FNDC3B: variants seen among roughly 807,000 people sequenced by gnomAD.
FNDC3B encodes the protein fibronectin type III domain containing 3B.
FNDC3B carries 12 observed loss-of-function variants against 151.5 expected under a neutral mutation model. The ratio of observed to expected loss-of-function variants is 0.08; its 90% CI spans 0.05 to 0.13. FNDC3B has a LOEUF of 0.13. Among genes scored for constraint, FNDC3B ranks in the 10% least tolerant of loss-of-function variants. The pLI, the probability that FNDC3B is intolerant of heterozygous loss-of-function variation, is 1.00. For missense variants in FNDC3B, 1,214 were observed against 1,505.3 expected (o/e 0.81, Z 3.20); for synonymous variants, 528 against 549.0 (o/e 0.96, Z 0.54).
chr3:172,099,183 T>C lies in FNDC3B; in HGVS notation c.-28-13269T>C, dbSNP rs1318889917. ...GCAAATCAATTAGCTGTGGCATATT[T>C]TGATTTTGCTAATTTGTTGCTCTAG... On this transcript the variant is annotated intron_variant, in intron 1 of 25. Transcript: ENST00000415807. 2.6e-5 allele frequency among the ~76,000 whole-genome samples: 4 copies of C among 152,336 alleles called. No individual in the cohort carries two copies. The East Asian group carries it at 5.8e-4, about 22-fold the overall frequency.
At chr3:172,333,205 C>G (rs376132077) in intron 14 of FNDC3B, 30 bp downstream of exon 14, 8 of 1,334,452 alleles carry the variant, frequency 6.0e-6, no homozygotes, top group Non-Finnish European at 6.5e-6. Flanking sequence ...ACCTGAACTG[C>G]TTAAAAATGA....
chr3:172,352,435 C>T lies in FNDC3B; in HGVS notation c.2515-368C>T, dbSNP rs531427372. On this transcript the variant is annotated intron_variant, in intron 21 of 25. Transcript: ENST00000415807. The surrounding 1 kb of genome is among the most constrained non-coding windows in gnomAD (Gnocchi z 4.2). ...ATCTGAGGCCTAAGTTATCATCTGA[C>T]TCTGAGTTCCTGTCTCTAAAAGGCG... Among the ~76,000 whole-genome samples, 6 of 152,244 alleles carry T rather than the reference C, an allele frequency of 3.9e-5. No homozygotes were observed. The East Asian group carries it at 1.2e-3, about 29-fold the overall frequency.
intron 23 of FNDC3B, among the ~76,000 whole-genome samples, chr3:172,372,469 A>T (rs1459095080): frequency 6.6e-6 from 1 of 152,232 alleles, no homozygotes; most frequent in African/African-American, 2.4e-5. Context: ...ACCGCTATAT[A>T]TACATTATTC....
chr3:172,388,109 G>C (rs1720228), intron 25 of FNDC3B, among the ~76,000 whole-genome samples: 103,654 of 152,032 alleles, frequency 0.68, 37,492 homozygotes, highest in Non-Finnish European at 0.83. Flanking sequence ...TGAGAAGGAG[G>C]TGTACAGATG....
rs796205804 is a variant in FNDC3B, at chr3:172,104,890, T to C, written c.-28-7562T>C. 2.9e-4 allele frequency among the ~76,000 whole-genome samples: 44 copies of C among 152,364 alleles called. 1 individual carries two copies. The highest frequency in any genetic ancestry group is 9.6e-4 in the African/African-American group (40 of 41,588). ...TCCATGGTTATTATCAAAAGCAGTT[T>C]CTGGTTTTGCTGAAAGGCTAGAAAT... On this transcript the variant is annotated intron_variant, in intron 1 of 25. Coordinates refer to ENST00000415807, the MANE Select transcript of FNDC3B (RefSeq NM_022763.4).
intron 3 of FNDC3B, among the ~76,000 whole-genome samples, chr3:172,175,169 A>T (rs1189000758): frequency 6.6e-6 from 1 of 151,846 alleles, no homozygotes; most frequent in Non-Finnish European, 1.5e-5. Context: ...CAGTCATCTC[A>T]GAGTGGTAAT....
chr3:172,200,243 A>G (rs1230883809), intron 3 of FNDC3B, among the ~76,000 whole-genome samples: 1 of 152,232 alleles, frequency 6.6e-6, no homozygotes, highest in African/African-American at 2.4e-5. Flanking sequence ...TGGAGTACCT[A>G]GAGAAAACCC....
intron 19 of FNDC3B, chr3:172,345,902 A>C (rs555062): frequency 6.6e-6 from 1 of 152,314 alleles, no homozygotes; most frequent in Non-Finnish European, 1.5e-5. Flanking sequence ...TAGAAGAAAT[A>C]CCTAGAATTT....
intron 9 of FNDC3B, among the ~76,000 whole-genome samples, chr3:172,299,368 G>A (rs1490264816): frequency 6.6e-6 from 1 of 152,144 alleles, no homozygotes; most frequent in Non-Finnish European, 1.5e-5. Context: ...TACTCTGGAA[G>A]GTAGGGCTAG....
rs546772984 is a variant in FNDC3B at position 172,233,805 on chromosome 3, G to C, written c.264+6858G>C. 4.6e-4 allele frequency among the ~76,000 whole-genome samples: 70 copies of C among 152,268 alleles called. No homozygotes were observed. The Middle Eastern group carries it at 0.01, about 22-fold the overall frequency. ...AATTGGATTCTCTTTCAACACTCTT[G>C]GTCCTTCAGAGGAACTGATTTCTCT... On this transcript the variant is annotated intron_variant, in intron 4 of 25. Transcript: ENST00000415807.
intron 3 of FNDC3B, among the ~76,000 whole-genome samples, chr3:172,200,365 T>C (rs943652891): frequency 1.3e-5 from 2 of 152,238 alleles, no homozygotes; most frequent in Non-Finnish European, 2.9e-5. Flanking sequence ...AATGAAACGT[T>C]ATTCAAAGAC....
chr3:172,334,855 G>A, intron 14 of FNDC3B, 89 bp from the exon 15 acceptor site: 1 of 1,185,424 alleles, frequency 8.4e-7, no homozygotes, highest in Non-Finnish European at 1.2e-6. Flanking sequence ...GTTTATGGGT[G>A]CCTTAATCTC....
At chr3:172,333,467 G>A (rs1241076639) in intron 14 of FNDC3B, among the ~76,000 whole-genome samples, 5 of 149,196 alleles carry the variant, frequency 3.4e-5, no homozygotes, top group Admixed American at 6.7e-5. Context: ...GACTATAGGC[G>A]TGTGCCACTA....
chr3:172,320,139 G>A (rs1732010027), intron 11 of FNDC3B, among the ~76,000 whole-genome samples: 1 of 152,170 alleles, frequency 6.6e-6, no homozygotes, highest in Admixed American at 6.5e-5. Flanking sequence ...CAGTACTTTG[G>A]GAGGCCGAGG....
intron 8 of FNDC3B, among the ~76,000 whole-genome samples, chr3:172,296,284 G>T (rs1253362259): frequency 6.6e-6 from 1 of 152,120 alleles, no homozygotes; most frequent in African/African-American, 2.4e-5. Flanking sequence ...CACTTTTTCT[G>T]CCAGAGATGT....
At chr3:172,265,253 A>G (rs1576853207) in intron 6 of FNDC3B, among the ~76,000 whole-genome samples, 1 of 152,224 alleles carries the variant, frequency 6.6e-6, no homozygotes, top group African/African-American at 2.4e-5. Flanking sequence ...TACAAAGTAT[A>G]TCTCTACTCT....
At chr3:172,317,600 T>C (rs1201443701) in intron 11 of FNDC3B, among the ~76,000 whole-genome samples, 1 of 152,186 alleles carries the variant, frequency 6.6e-6, no homozygotes, top group African/African-American at 2.4e-5. Context: ...GCCTTTCCAC[T>C]GGAAAAACAG....
intron 1 of FNDC3B, among the ~76,000 whole-genome samples, chr3:172,074,362 C>T (rs1717910409): frequency 6.6e-6 from 1 of 152,212 alleles, no homozygotes; most frequent in South Asian, 2.1e-4. Context: ...AGCCTGTACA[C>T]AGATACATAG....
chr3:172,210,840 T>C (rs1576801398), intron 3 of FNDC3B, among the ~76,000 whole-genome samples: 2 of 152,344 alleles, frequency 1.3e-5, no homozygotes, highest in African/African-American at 4.8e-5. Flanking sequence ...TAGAAGTTAC[T>C]TGCTTTTTGG....
Sources: allele counts gnomAD v4.1 joint callset (sites outside exome capture counted in the v4.1 genomes callset), GRCh38; gene constraint gnomAD v4.1.1; non-coding constraint Gnocchi (gnomAD v3.1); transcripts MANE v1.5; gene names NCBI Gene and HGNC (gene_info 2026-07-23, HGNC 2026-07-21).